PCDHA5: variants seen among roughly 807,000 people sequenced by gnomAD.
PCDHA5 encodes the protein protocadherin alpha-5.
A neutral mutation model predicts 61.6 loss-of-function variants in PCDHA5; 43 were observed. That is an observed-to-expected ratio of 0.70 (90% CI 0.55 to 0.90). PCDHA5 has a LOEUF of 0.90. PCDHA5 is among the 40% of genes least tolerant of loss of function. The pLI, the probability that PCDHA5 is intolerant of heterozygous loss-of-function variation, is 0.00. For missense variants in PCDHA5, 1,298 were observed against 1,222.7 expected (o/e 1.06, Z -0.92); for synonymous variants, 627 against 543.9 (o/e 1.15, Z -2.13).
chr5:140,987,811 CTT>C (rs1444999429), intron 3 of PCDHA5, among the ~76,000 whole-genome samples: 7 of 152,218 alleles, frequency 4.6e-5, no homozygotes, highest in African/African-American at 1.7e-4. Flanking sequence ...GTGCCTGTCT[CTT>C]TGTTTCCTTA....
chr5:140,835,504 T>A (rs2150237021), intron 1 of PCDHA5: 1 of 1,613,936 alleles, frequency 6.2e-7, no homozygotes, highest in African/African-American at 1.3e-5. Flanking sequence ...TTGATTAGCG[T>A]GTTTGACCGA....
At chr5:140,835,526 C>T in intron 1 of PCDHA5, 1 of 1,613,946 alleles carries the variant, frequency 6.2e-7, no homozygotes. Context: ...ATTTTGGAGT[C>T]AACGGACAGG....
chr5:140,980,608 G>A (rs994415170), intron 2 of PCDHA5, among the ~76,000 whole-genome samples: 6 of 151,850 alleles, frequency 4.0e-5, no homozygotes, highest in African/African-American at 7.3e-5. Context: ...CCAGCCTGGC[G>A]ACAGTGCGAG....
In PCDHA5 at chr5:140,852,553, G is replaced by A. The variant is rs1414701990; in HGVS notation, c.2352+28426G>A. On this transcript the variant is annotated intron_variant, in intron 1 of 3. Coordinates refer to ENST00000529859, the MANE Select transcript of PCDHA5 (RefSeq NM_018908.3). ...GGCCTCCCAAAGTGCTGGGATTAAA[G>A]CTGTGAGCCACTGTGCCAAGGCTTT... is the stretch of plus-strand genomic sequence containing the variant. 2.0e-5 allele frequency: 13 copies of A among 647,952 alleles called. 1 individual carries two copies. The highest frequency in any genetic ancestry group is 2.2e-5 in the Non-Finnish European group (11 of 508,652). The allele number at this position is 647,952 out of a possible 1,614,324, so 40.1% of individuals were successfully genotyped here.
At chr5:140,834,566 G>A (rs2150221246) in intron 1 of PCDHA5, 1 of 1,614,096 alleles carries the variant, frequency 6.2e-7, no homozygotes, top group South Asian at 1.1e-5. Context: ...AGCTGGTGCC[G>A]CGCCTGTTCC....
At chr5:140,828,741 G>C (rs201515728) in intron 1 of PCDHA5, 1 of 1,614,220 alleles carries the variant, frequency 6.2e-7, no homozygotes. Flanking sequence ...GCCACAGATG[G>C]GGGCAAACCT....
intron 1 of PCDHA5, chr5:140,842,493 C>G (rs1554139100): frequency 6.2e-7 from 1 of 1,613,738 alleles, no homozygotes; most frequent in African/African-American, 1.3e-5. Context: ...TCCCTGATGC[C>G]CCATGTCCCC....
Position 140,967,283 on chromosome 5 carries a change from C to G in PCDHA5, c.2353-11666C>G, listed in dbSNP as rs782468433. The G allele has an allele frequency of 1.7e-5, 27 of 1,613,040 alleles. No homozygotes were observed. The Admixed American group carries it at 3.7e-4, about 22-fold the overall frequency. ...AGCGCGCTTTCACATAGAGAGTGCG[C>G]AGGACCCCGACGTGGGCGCCAACTC... On this transcript the variant is annotated intron_variant, in intron 1 of 3. Transcript: ENST00000529859.
chr5:140,842,359 C>T (rs1157712945), intron 1 of PCDHA5: 5 of 1,606,532 alleles, frequency 3.1e-6, no homozygotes, highest in Non-Finnish European at 4.3e-6. Context: ...AAAATGATAA[C>T]GTCCCTGAGA....
At chr5:140,841,739 CTGTT>C (rs1562391277) in intron 1 of PCDHA5, 12 of 1,613,762 alleles carry the variant, frequency 7.4e-6, no homozygotes, top group Middle Eastern at 3.3e-4. Context: ...AGACCAAAAG[CTGTT>C]TGTTTCAGAA....
At chr5:140,859,726 A>G (rs929910976) in intron 1 of PCDHA5, 1 of 154,384 alleles carries the variant, frequency 6.5e-6, no homozygotes, top group Admixed American at 6.4e-5. Context: ...AAATTGTGGC[A>G]AGAATTTAAG....
chr5:140,976,546 A>G (rs2096722070), intron 1 of PCDHA5, among the ~76,000 whole-genome samples: 1 of 152,086 alleles, frequency 6.6e-6, no homozygotes, highest in Non-Finnish European at 1.5e-5. Context: ...GTAAGACCCT[A>G]TCTCATAAAT....
chr5:140,997,675 TG>T (rs1554255972), intron 3 of PCDHA5, among the ~76,000 whole-genome samples: 41 of 151,686 alleles, frequency 2.7e-4, no homozygotes, highest in African/African-American at 9.7e-4. Flanking sequence ...AGCTTGTGTG[TG>T]TGTGTGTGTG....
At chr5:140,968,781 C>G in intron 1 of PCDHA5, 1 of 1,614,182 alleles carries the variant, frequency 6.2e-7, no homozygotes. Context: ...TCACTATCAG[C>G]CTCTGTGGCC....
intron 1 of PCDHA5, among the ~76,000 whole-genome samples, chr5:140,962,176 C>T (rs1554225858): frequency 6.6e-6 from 1 of 152,104 alleles, no homozygotes; most frequent in Admixed American, 6.6e-5. Flanking sequence ...CACCCGGCCA[C>T]TTATATCACT....
intron 1 of PCDHA5, among the ~76,000 whole-genome samples, chr5:140,837,513 T>C (rs1414175460): frequency 1.0e-5 from 1 of 96,810 alleles, no homozygotes. Context: ...CTGAAGCAGT[T>C]TACTTTTTTT....
chr5:140,889,893 C>A (rs1275511475), intron 1 of PCDHA5, among the ~76,000 whole-genome samples: 2 of 152,158 alleles, frequency 1.3e-5, no homozygotes, highest in Admixed American at 1.3e-4. Flanking sequence ...AGAATTCTGA[C>A]TACCTTGAGA....
At chr5:140,840,796 G>C (rs1776878567) in intron 1 of PCDHA5, among the ~76,000 whole-genome samples, 1 of 152,038 alleles carries the variant, frequency 6.6e-6, no homozygotes. Flanking sequence ...GCTCACCTCA[G>C]AGTAATATAT....
intron 1 of PCDHA5, among the ~76,000 whole-genome samples, chr5:140,846,179 C>T (rs1250648449): frequency 1.3e-5 from 2 of 149,312 alleles, no homozygotes; most frequent in African/African-American, 4.9e-5. Flanking sequence ...CCTGAGTAGG[C>T]GTTTGAGTTC....
Sources: gnomAD v4.1 joint callset for allele counts (sites outside exome capture counted in the v4.1 genomes callset) on GRCh38, gnomAD v4.1.1 for gene constraint, MANE v1.5 for transcripts, NCBI Gene and HGNC (gene_info 2026-07-23, HGNC 2026-07-21) for gene names.